SEL1L3: variants seen among roughly 807,000 people sequenced by gnomAD.
SEL1L3 encodes protein sel-1 homolog 3.
SEL1L3 carries 76 observed loss-of-function variants against 142.8 expected under a neutral mutation model. The observed-to-expected ratio is 0.53, with a 90% CI of 0.44 to 0.64. The LOEUF (loss-of-function observed/expected upper bound fraction) is 0.64, where lower values mean the gene tolerates loss of function less well. SEL1L3 is among the 30% of genes least tolerant of loss of function. SEL1L3 has a pLI of 0.00. For missense variants in SEL1L3, 1,262 were observed against 1,381.7 expected (o/e 0.91, Z 1.37); for synonymous variants, 504 against 519.6 (o/e 0.97, Z 0.41).
chr4:25,766,156 C>T (rs1029697929), intron 19 of SEL1L3, among the ~76,000 whole-genome samples: 2 of 152,028 alleles, frequency 1.3e-5, no homozygotes, highest in African/African-American at 2.4e-5. Context: ...GTATATGTAT[C>T]GGCTGAGTGC....
At chr4:25,725,865 G>A in the SEL1L3 span, among the ~76,000 whole-genome samples, 1 of 152,120 alleles carries the variant, frequency 6.6e-6, no homozygotes, top group African/African-American at 2.4e-5. Context: ...AGTGCATAAT[G>A]CACAGTGAGG....
chr4:25,809,486 G>A (rs1392603953), intron 9 of SEL1L3, among the ~76,000 whole-genome samples: 1 of 152,118 alleles, frequency 6.6e-6, no homozygotes, highest in African/African-American at 2.4e-5. Flanking sequence ...GCTTCGCTAT[G>A]TTACTTAGGC....
At chr4:25,836,995 T>A (rs1200061123) in intron 2 of SEL1L3, among the ~76,000 whole-genome samples, 1 of 152,094 alleles carries the variant, frequency 6.6e-6, no homozygotes, top group Non-Finnish European at 1.5e-5. Flanking sequence ...GCCACAAATC[T>A]TCATGGTTTG....
chr4:25,840,417 G>A (rs1320189812), intron 2 of SEL1L3, among the ~76,000 whole-genome samples: 1 of 152,014 alleles, frequency 6.6e-6, no homozygotes, highest in African/African-American at 2.4e-5. Flanking sequence ...GACAAGTCAA[G>A]GCTGGTTCCA....
the SEL1L3 span, among the ~76,000 whole-genome samples, chr4:25,742,188 T>C: frequency 6.6e-6 from 1 of 152,078 alleles, no homozygotes; most frequent in African/African-American, 2.4e-5. Flanking sequence ...GAAGTATTTA[T>C]TTATTTATTT....
intron 19 of SEL1L3, among the ~76,000 whole-genome samples, 178 bp downstream of exon 19, chr4:25,767,347 A>G (rs1718815334): frequency 6.6e-6 from 1 of 152,150 alleles, no homozygotes; most frequent in African/African-American, 2.4e-5. Flanking sequence ...ATGGGTGAGG[A>G]GTAGTGCATT....
intron 17 of SEL1L3, 83 bp from the exon 18 acceptor site, chr4:25,767,913 G>T: frequency 3.7e-6 from 3 of 814,744 alleles, no homozygotes; most frequent in Non-Finnish European, 5.7e-6. Context: ...AACATAAGAG[G>T]GCACAAAATA....
chr4:25,767,547 A>T lies in SEL1L3; in HGVS notation c.2823T>A (p.Phe941Leu). Reference protein sequence around the residue: ...CVWRYYNFSVFQIDAPSFAYL... With the variant: ...CVWRYYNFSVLQIDAPSFAYL... ...TACCAAAGGAAGGAGCATCGATTTG[A>T]AAAACAGAGAAATTATAGTATCTCC... Residue 941 changes from phenylalanine (F) to leucine (L), a missense_variant, in exon 19 of 24, where the codon TTT (phenylalanine) becomes TTA (leucine). Around this residue, in one of 3 missense-constraint regions of SEL1L3, gnomAD observed 435 missense variants for 559.2 expected, o/e 0.78. Coordinates refer to ENST00000399878, the MANE Select transcript of SEL1L3 (RefSeq NM_015187.5). 1 of 1,595,674 alleles carries T rather than the reference A, an allele frequency of 6.3e-7. No individual in the cohort carries two copies. Among genetic ancestry groups the T allele is most frequent in the South Asian group, 1.1e-5 (1 of 88,732 alleles).
intron 23 of SEL1L3, among the ~76,000 whole-genome samples, chr4:25,750,234 C>CAAAAAAAAAAAA (rs10718046): frequency 1.9e-5 from 2 of 105,082 alleles, no homozygotes; most frequent in Non-Finnish European, 3.9e-5. Flanking sequence ...GACTCCATCT[C>CAAAAAAAAAAAA]AAAAAAAAAA....
intron 8 of SEL1L3, 144 bp from the exon 9 acceptor site, chr4:25,818,422 C>A: frequency 2.7e-6 from 2 of 748,784 alleles, no homozygotes; most frequent in Non-Finnish European, 4.0e-6. Flanking sequence ...TTGAAATTGG[C>A]TATGATGCTT....
chr4:25,795,267 C>T (rs1712641861), intron 11 of SEL1L3, among the ~76,000 whole-genome samples: 1 of 152,160 alleles, frequency 6.6e-6, no homozygotes, highest in Non-Finnish European at 1.5e-5. Flanking sequence ...GTGCCTGGGT[C>T]ATGGCACACT....
At chr4:25,758,506 G>A (rs1718147770) in intron 21 of SEL1L3, among the ~76,000 whole-genome samples, 2 of 152,024 alleles carry the variant, frequency 1.3e-5, no homozygotes, top group East Asian at 1.9e-4. Context: ...TAGGCTAATC[G>A]GATTGTTATT....
chr4:25,738,900 G>C, the SEL1L3 span, among the ~76,000 whole-genome samples: 29 of 152,174 alleles, frequency 1.9e-4, no homozygotes, highest in Non-Finnish European at 4.1e-4. Flanking sequence ...TACCACAGGA[G>C]ACATTTAACA....
the SEL1L3 span, among the ~76,000 whole-genome samples, chr4:25,737,141 C>T: frequency 6.6e-5 from 10 of 152,080 alleles, no homozygotes; most frequent in African/African-American, 9.7e-5. Flanking sequence ...CACGCCACCA[C>T]GCTCAGCTAA....
Position 25,847,708 on chromosome 4 carries a change from G to A in SEL1L3, c.319C>T (p.Gln107Ter), listed in dbSNP as rs866508065. 2 of 1,613,798 alleles carry A rather than the reference G, an allele frequency of 1.2e-6. No homozygotes were observed. The highest frequency in any genetic ancestry group is 1.3e-5 in the African/African-American group (1 of 74,896). Residue 107 changes from glutamine (Q) to a stop codon, truncating the protein, a stop_gained, in exon 2 of 24, where the codon CAG (glutamine) becomes TAG (stop). Coordinates refer to ENST00000399878, the MANE Select transcript of SEL1L3 (RefSeq NM_015187.5). LOFTEE classifies it high-confidence loss of function. Reference protein sequence around the residue: ...SEVSVEYLCSQPCVVNLEAVV... With the variant: ...SEVSVEYLCS ...GCTTCCAAATTGACAACACAAGGCT[G>A]AGAGCATAAATACTCAACCGAGACT...
At chr4:25,723,700 G>A in the SEL1L3 span, among the ~76,000 whole-genome samples, 2,855 of 152,184 alleles carry the variant, frequency 0.019, 106 homozygotes, top group African/African-American at 0.065. Context: ...GTTGCTTAGT[G>A]TTATGGCATG....
chr4:25,782,173 G>A, intron 15 of SEL1L3, 69 bp downstream of exon 15: 3 of 1,417,526 alleles, frequency 2.1e-6, no homozygotes, highest in Non-Finnish European at 3.0e-6. Context: ...TGCACACAGT[G>A]TACCTTCAAC....
intron 17 of SEL1L3, among the ~76,000 whole-genome samples, chr4:25,775,892 C>A (rs1286165809): frequency 2.0e-5 from 3 of 152,060 alleles, no homozygotes; most frequent in Non-Finnish European, 4.4e-5. Context: ...TTGCTAGGAA[C>A]AAGGTAGAAA....
rs10023026 is a variant in SEL1L3, at chr4:25,824,974, G to A, written c.1158-2846C>T. Among the ~76,000 whole-genome samples, 1,075 of 152,138 alleles carry A rather than the reference G, an allele frequency of 7.1e-3. 23 individuals carry two copies. The highest frequency in any genetic ancestry group is 0.024 in the African/African-American group (1,014 of 41,454). ...TTCATTTGGAAGAAACAGAAATTGG[G>A]TGTTGTTTACAAGTGTGAAAAAAGC... On this transcript the variant is annotated intron_variant, in intron 6 of 23. Coordinates refer to ENST00000399878, the MANE Select transcript of SEL1L3 (RefSeq NM_015187.5).
Sources: gnomAD v4.1 joint callset for allele counts (sites outside exome capture counted in the v4.1 genomes callset) on GRCh38, gnomAD v4.1.1 for gene constraint, gnomAD v4.1.1 regional missense constraint, MANE v1.5 for transcripts, NCBI Gene and HGNC (gene_info 2026-07-23, HGNC 2026-07-21) for gene names.